The following AGBL1 variants were observed in gnomAD, a reference collection of about 807,000 sequenced individuals.
AGBL1 encodes AGBL carboxypeptidase 1.
In AGBL1, 130 loss-of-function variants were observed where a neutral mutation model predicts 118.9. The observed-to-expected ratio is 1.09, with a 90% CI of 0.95 to 1.26. The LOEUF (loss-of-function observed/expected upper bound fraction) is 1.26, where lower values mean the gene tolerates loss of function less well. Among genes scored for constraint, AGBL1 ranks in the 50% most tolerant of loss-of-function variants. The pLI, the probability that AGBL1 is intolerant of heterozygous loss-of-function variation, is 0.00. For synonymous variants in AGBL1, 555 were observed against 478.9 expected (o/e 1.16, Z -2.08); for missense variants, 1,584 against 1,298.1 (o/e 1.22, Z -3.38).
At chr15:86,757,365 G>T (rs2141264852) in intron 22 of AGBL1, among the ~76,000 whole-genome samples, 1 of 152,128 alleles carries the variant, frequency 6.6e-6, no homozygotes, top group East Asian at 1.9e-4. Context: ...GTCACACTTG[G>T]GGAAATGGAT....
At chr15:86,318,295 A>T (rs755980431) in intron 17 of AGBL1, among the ~76,000 whole-genome samples, 6 of 152,142 alleles carry the variant, frequency 3.9e-5, no homozygotes, top group Non-Finnish European at 7.4e-5. Context: ...AAAGTAGAAC[A>T]TTGCCACTAG....
chr15:86,696,234 A>G (rs1321182679), intron 22 of AGBL1, among the ~76,000 whole-genome samples: 1 of 151,974 alleles, frequency 6.6e-6, no homozygotes, highest in Non-Finnish European at 1.5e-5. Flanking sequence ...TAGGTCTAGT[A>G]GTAACTGTTT....
chr15:86,272,180 G>A (rs899326058), intron 15 of AGBL1, among the ~76,000 whole-genome samples: 12 of 151,984 alleles, frequency 7.9e-5, no homozygotes, highest in African/African-American at 2.2e-4. Flanking sequence ...TAATTTTGTG[G>A]AAAAAAATAA....
chr15:86,879,082 T>G (rs751581967), intron 22 of AGBL1, among the ~76,000 whole-genome samples: 3 of 152,238 alleles, frequency 2.0e-5, no homozygotes, highest in African/African-American at 7.2e-5. Flanking sequence ...AGTCTTTTCA[T>G]AGGGCTCGGG....
intron 3 of AGBL1, among the ~76,000 whole-genome samples, chr15:86,151,891 C>T (rs1454447820): frequency 6.6e-6 from 1 of 152,080 alleles, no homozygotes; most frequent in Non-Finnish European, 1.5e-5. Flanking sequence ...AACAGAGAGC[C>T]AAATCATGAG....
At chr15:86,672,811 C>G (rs1214343017) in intron 21 of AGBL1, among the ~76,000 whole-genome samples, 1 of 152,136 alleles carries the variant, frequency 6.6e-6, no homozygotes, top group East Asian at 1.9e-4. Flanking sequence ...AACTGACTTC[C>G]CTTAACTCTG....
intron 21 of AGBL1, among the ~76,000 whole-genome samples, chr15:86,605,141 A>T (rs1463371137): frequency 1.3e-5 from 2 of 151,544 alleles, no homozygotes; most frequent in Non-Finnish European, 2.9e-5. Flanking sequence ...CATGAAGAAT[A>T]TTTTTTTTAA....
intron 22 of AGBL1, among the ~76,000 whole-genome samples, chr15:86,737,503 G>A (rs2077619138): frequency 6.6e-6 from 1 of 152,146 alleles, no homozygotes. Flanking sequence ...GCCTAACAAA[G>A]TGCCTATGAT....
At chr15:86,824,205 C>T (rs181833091) in intron 22 of AGBL1, among the ~76,000 whole-genome samples, 3 of 151,908 alleles carry the variant, frequency 2.0e-5, no homozygotes, top group African/African-American at 7.3e-5. Context: ...CCAATACCCC[C>T]CAAAAACTTG....
intron 21 of AGBL1, among the ~76,000 whole-genome samples, chr15:86,671,521 G>A (rs1394442155): frequency 6.6e-6 from 1 of 152,096 alleles, no homozygotes; most frequent in Non-Finnish European, 1.5e-5. Flanking sequence ...CAAATCCGGA[G>A]CCAGTTTTAT....
At chr15:86,591,173 A>G (rs1043388910) in intron 21 of AGBL1, among the ~76,000 whole-genome samples, 8 of 152,202 alleles carry the variant, frequency 5.3e-5, no homozygotes, top group Non-Finnish European at 8.8e-5. Context: ...CATTTTATGC[A>G]TCTTTGGTAA....
rs80330631 is a variant in AGBL1, at chr15:86,706,991, T to G, written c.3158+32555T>G. 1.7e-3 allele frequency among the ~76,000 whole-genome samples: 262 copies of G among 152,188 alleles called. 2 individuals are homozygous for G. In the East Asian group the frequency reaches 0.021, roughly 12 times the overall value. On this transcript the variant is annotated intron_variant, in intron 22 of 22. Transcript: ENST00000614907. ...AAAAATGAATAGATATAATAAGAGA[T>G]GGACTTTGCATTTACTGATAATGAT...
chr15:86,495,725 C>A (rs552601771), intron 18 of AGBL1, among the ~76,000 whole-genome samples: 1 of 151,904 alleles, frequency 6.6e-6, no homozygotes, highest in East Asian at 1.9e-4. Context: ...AGCATGAGAA[C>A]ATTTTTAATA....
At chr15:86,869,076 C>CA (rs1387528842) in intron 22 of AGBL1, among the ~76,000 whole-genome samples, 1 of 152,204 alleles carries the variant, frequency 6.6e-6, no homozygotes, top group Admixed American at 6.5e-5. Flanking sequence ...GCCTTGGTGG[C>CA]AGGGTGATAA....
intron 18 of AGBL1, among the ~76,000 whole-genome samples, chr15:86,476,011 T>A (rs888926724): frequency 1.3e-5 from 2 of 152,132 alleles, no homozygotes; most frequent in Admixed American, 1.3e-4. Flanking sequence ...AATAAAATCC[T>A]TTACAGACAA....
intron 24 of AGBL1, among the ~76,000 whole-genome samples, chr15:87,011,318 A>G (rs1270459926): frequency 6.6e-6 from 1 of 152,206 alleles, no homozygotes; most frequent in Non-Finnish European, 1.5e-5. Flanking sequence ...TGAACTAGGG[A>G]GTGAATAGAA....
chr15:86,318,419 T>G (rs2080050734), intron 17 of AGBL1, among the ~76,000 whole-genome samples: 1 of 152,190 alleles, frequency 6.6e-6, no homozygotes. Flanking sequence ...AAAACTTAAT[T>G]TTGCCTCTGA....
intron 22 of AGBL1, among the ~76,000 whole-genome samples, chr15:86,851,652 G>A (rs1351824756): frequency 6.6e-6 from 1 of 152,156 alleles, no homozygotes; most frequent in Non-Finnish European, 1.5e-5. Context: ...AGTCTCTAGA[G>A]TGGTAACTAG....
intron 3 of AGBL1, among the ~76,000 whole-genome samples, chr15:86,148,979 T>A (rs141980184): frequency 0.013 from 1,960 of 152,302 alleles, 25 homozygotes; most frequent in East Asian, 0.062. Flanking sequence ...TATTCAACAT[T>A]CTTAAAGAAA....
Sources: allele counts gnomAD v4.1 joint callset (sites outside exome capture counted in the v4.1 genomes callset), GRCh38; gene constraint gnomAD v4.1.1; transcripts MANE v1.5; gene names NCBI Gene and HGNC (gene_info 2026-07-23, HGNC 2026-07-21).